SLC6A17: variants seen among roughly 807,000 people sequenced by gnomAD.
The protein encoded by SLC6A17 is sodium-dependent neutral amino acid transporter SLC6A17.
A neutral mutation model predicts 64.5 loss-of-function variants in SLC6A17; 21 were observed. That is an observed-to-expected ratio of 0.33 (90% CI 0.23 to 0.47). The LOEUF (loss-of-function observed/expected upper bound fraction) is 0.47, where lower values mean the gene tolerates loss of function less well. Among genes scored for constraint, SLC6A17 ranks in the 20% least tolerant of loss-of-function variants. SLC6A17 has a pLI of 1.00. For missense variants in SLC6A17, 682 were observed against 963.2 expected, an observed-to-expected ratio of 0.71 and a Z score of 3.86; for synonymous variants, 372 against 399.5, an observed-to-expected ratio of 0.93 and a Z score of 0.82.
intron 6 of SLC6A17, among the ~76,000 whole-genome samples, chr1:110,190,995 A>G (rs953690915): frequency 2.2e-4 from 33 of 152,286 alleles, no homozygotes; most frequent in South Asian, 2.1e-4. Context: ...CCCGCAAAAC[A>G]CAAAACACCC....
At chr1:110,190,047 C>G (rs1404478976) in intron 6 of SLC6A17, among the ~76,000 whole-genome samples, 1 of 152,244 alleles carries the variant, frequency 6.6e-6, no homozygotes, top group Non-Finnish European at 1.5e-5. Context: ...CCCATGGCCT[C>G]TGCATCGCCT....
chr1:110,193,152 T>C (rs1336140170), intron 8 of SLC6A17, among the ~76,000 whole-genome samples: 2 of 152,182 alleles, frequency 1.3e-5, no homozygotes, highest in African/African-American at 4.8e-5. Flanking sequence ...TACAGATGAG[T>C]AGCCTATGAG....
In SLC6A17 at chr1:110,197,460, T is replaced by C. The variant is rs374265669; in HGVS notation, c.1676T>C (p.Met559Thr). Residue 559 changes from methionine (M) to threonine (T), a missense_variant, in exon 11 of 12, where the codon ATG becomes ACG. Transcript: ENST00000331565. ...TKKFMQELTE[M>T]LGFRPYRFYF... is the part of the protein sequence containing the mutation. ...AGGTTCATGCAGGAGCTGACGGAGA[T>C]GCTGGGCTTCCGCCCCTACCGCTTC... The C allele has an allele frequency of 6.2e-7, 1 of 1,613,076 alleles. No homozygotes were observed. Among genetic ancestry groups the C allele is most frequent in the Non-Finnish European group, 8.5e-7 (1 of 1,179,750 alleles).
intron 5 of SLC6A17, among the ~76,000 whole-genome samples, chr1:110,176,196 G>A (rs1656369442): frequency 6.6e-6 from 1 of 152,122 alleles, no homozygotes; most frequent in Non-Finnish European, 1.5e-5. Context: ...TTCTTCAGAT[G>A]TCTTCTGTTT....
chr1:110,186,045 G>C (rs1226902957), intron 6 of SLC6A17, among the ~76,000 whole-genome samples: 1 of 152,142 alleles, frequency 6.6e-6, no homozygotes, highest in Non-Finnish European at 1.5e-5. Context: ...ACGTATGTGG[G>C]TGATAGGTAT....
chr1:110,166,718 G>C (rs1034816584), intron 1 of SLC6A17, 125 bp from the exon 2 acceptor site: 81 of 528,642 alleles, frequency 1.5e-4, no homozygotes, highest in Non-Finnish European at 2.9e-5. Flanking sequence ...AGGGCAAGCT[G>C]CATATATGAG....
At chr1:110,170,181 G>A (rs1024207141) in intron 2 of SLC6A17, among the ~76,000 whole-genome samples, 106 of 152,244 alleles carry the variant, frequency 7.0e-4, no homozygotes, top group African/African-American at 2.2e-3. Flanking sequence ...ACACTGGGGC[G>A]AAATACAAAA....
chr1:110,193,260 C>A (rs570918669), intron 8 of SLC6A17, among the ~76,000 whole-genome samples: 6 of 152,156 alleles, frequency 3.9e-5, no homozygotes, highest in Non-Finnish European at 5.9e-5. Context: ...TGCTCAGGAT[C>A]ACCTCTTGAT....
chr1:110,173,938 C>CATTAAAAAAA, intron 3 of SLC6A17, 35 bp from the exon 4 acceptor site: 1 of 1,607,282 alleles, frequency 6.2e-7, no homozygotes, highest in South Asian at 1.1e-5. Context: ...GAGTTGCCTG[C>CATTAAAAAAA]AGCCTCAGTG....
At chr1:110,185,131 C>T (rs1656649278) in intron 6 of SLC6A17, among the ~76,000 whole-genome samples, 1 of 152,212 alleles carries the variant, frequency 6.6e-6, no homozygotes, top group East Asian at 1.9e-4. Context: ...GGTTCAGACT[C>T]TACCTCATCA....
intron 8 of SLC6A17, among the ~76,000 whole-genome samples, chr1:110,193,930 G>T (rs143645519): frequency 5.4e-4 from 82 of 152,342 alleles, no homozygotes; most frequent in African/African-American, 1.9e-3. Flanking sequence ...ACATTACAGG[G>T]CAACGTGTAA....
chr1:110,194,874 A>G (rs766074113), intron 9 of SLC6A17, 103 bp downstream of exon 9: 5 of 1,406,734 alleles, frequency 3.6e-6, no homozygotes, highest in Non-Finnish European at 4.9e-6. Flanking sequence ...CACACCCAGA[A>G]GGCTCCACCC....
intron 5 of SLC6A17, among the ~76,000 whole-genome samples, chr1:110,176,311 G>C (rs937031379): frequency 2.0e-5 from 3 of 152,064 alleles, no homozygotes; most frequent in African/African-American, 7.2e-5. Flanking sequence ...GGGAGAATGA[G>C]GAGGGGACAG....
At chr1:110,173,882 G>T (rs1373522487) in intron 3 of SLC6A17, 91 bp from the exon 4 acceptor site, 30 of 1,536,970 alleles carry the variant, frequency 2.0e-5, no homozygotes, top group Non-Finnish European at 2.6e-5. Context: ...TGTGTTTATG[G>T]CGCTGCCGAC....
intron 3 of SLC6A17, among the ~76,000 whole-genome samples, chr1:110,173,470 A>G (rs866439213): frequency 6.6e-6 from 1 of 152,368 alleles, no homozygotes; most frequent in Admixed American, 6.5e-5. Context: ...CCAAGAAATG[A>G]CAAGTGCCAT....
At chr1:110,182,921 G>A (rs1039886516) in intron 6 of SLC6A17, among the ~76,000 whole-genome samples, 5 of 152,160 alleles carry the variant, frequency 3.3e-5, no homozygotes, top group African/African-American at 4.8e-5. Flanking sequence ...CGATACAGGA[G>A]CAGAGAAATG....
Position 110,174,909 on chromosome 1 carries a change from C to T in SLC6A17, c.702C>T (p.Ala234=). Residue 234 remains alanine, a synonymous_variant, in exon 5 of 12, where the codon GCC becomes GCT. Transcript: ENST00000331565. The part of the protein sequence containing the change: ...NWKMTLCLLV[A]WSIVGMAVVK... ...AGATGACCCTGTGCCTCCTCGTGGCCTGGAGCATCGTGGGGATGGCTGTCG... is the reference window on the plus strand; with the variant it reads ...AGATGACCCTGTGCCTCCTCGTGGCTTGGAGCATCGTGGGGATGGCTGTCG... 3 of 1,614,146 alleles carry T rather than the reference C, an allele frequency of 1.9e-6. No homozygotes were observed. Among genetic ancestry groups the T allele is most frequent in the Non-Finnish European group, 2.5e-6 (3 of 1,180,012 alleles).
At chr1:110,191,946 C>T in intron 6 of SLC6A17, 26 bp from the exon 7 acceptor site, 2 of 1,604,800 alleles carry the variant, frequency 1.2e-6, no homozygotes. Context: ...CTCTTTTCTT[C>T]CTCCTGCCTT....
chr1:110,173,583 G>A (rs1481328173), intron 3 of SLC6A17, among the ~76,000 whole-genome samples: 1 of 152,132 alleles, frequency 6.6e-6, no homozygotes, highest in South Asian at 2.1e-4. Context: ...TTACCATAGG[G>A]GCCAAAGCTG....
Sources: gnomAD v4.1 joint callset for allele counts (sites outside exome capture counted in the v4.1 genomes callset) on GRCh38, gnomAD v4.1.1 for gene constraint, MANE v1.5 for transcripts, NCBI Gene and HGNC (gene_info 2026-07-23, HGNC 2026-07-21) for gene names.